Variants in SLCO4C1 observed in about 807,000 individuals in gnomAD.
SLCO4C1 encodes organic anion transporter M1.
In SLCO4C1, 58 loss-of-function variants were observed where a neutral mutation model predicts 72.1. The ratio of observed to expected loss-of-function variants is 0.80; its 90% CI spans 0.65 to 1.00. The LOEUF is 1.00. Among genes scored for constraint, SLCO4C1 ranks in the 50% least tolerant of loss-of-function variants. The probability of loss-of-function intolerance (pLI) is 0.00; values close to 1 mark genes in which losing one functional copy is unlikely to be tolerated. For synonymous variants in SLCO4C1, 297 were observed against 312.5 expected (o/e 0.95, Z 0.52); for missense variants, 898 against 857.9 (o/e 1.05, Z -0.58).
chr5:102,262,991 A>C (rs1748969201), intron 4 of SLCO4C1, among the ~76,000 whole-genome samples: 1 of 152,168 alleles, frequency 6.6e-6, no homozygotes, highest in Non-Finnish European at 1.5e-5. Context: ...ATATGACCTC[A>C]GTAAAGGCAC....
chr5:102,287,473 T>C (rs1272734596), intron 2 of SLCO4C1, among the ~76,000 whole-genome samples: 2 of 151,736 alleles, frequency 1.3e-5, no homozygotes, highest in East Asian at 3.9e-4. Context: ...TAACCATCTG[T>C]GAAATCAATT....
rs546791370 is a variant in SLCO4C1 at position 102,286,463 on chromosome 5, C to T, written c.619+4880G>A. Among the ~76,000 whole-genome samples, 3 of 152,104 alleles carry T rather than the reference C, an allele frequency of 2.0e-5. No individual in the cohort carries two copies. In the South Asian group the frequency reaches 6.2e-4, roughly 32 times the overall value. On this transcript the variant is annotated intron_variant, in intron 2 of 12. Coordinates refer to ENST00000310954, the MANE Select transcript of SLCO4C1 (RefSeq NM_180991.5). ...AAAAATGTTACGTGGTAAAGATTTACTTATCGCATTTTAAATATTTTAAAG... is the reference window on the plus strand; with the variant it reads ...AAAAATGTTACGTGGTAAAGATTTATTTATCGCATTTTAAATATTTTAAAG...
intron 4 of SLCO4C1, among the ~76,000 whole-genome samples, chr5:102,262,426 T>G (rs1454256690): frequency 6.6e-6 from 1 of 152,178 alleles, no homozygotes; most frequent in Non-Finnish European, 1.5e-5. Flanking sequence ...TGTGCTTCAA[T>G]TAGAGCATTT....
intron 2 of SLCO4C1, among the ~76,000 whole-genome samples, chr5:102,284,486 C>T (rs989459038): frequency 1.3e-5 from 2 of 152,142 alleles, no homozygotes; most frequent in Non-Finnish European, 2.9e-5. Flanking sequence ...TAGAGGAAGA[C>T]AAAGTAAGGG....
chr5:102,272,003 G>A (rs1013638924), intron 2 of SLCO4C1, among the ~76,000 whole-genome samples: 3 of 152,122 alleles, frequency 2.0e-5, no homozygotes, highest in Non-Finnish European at 4.4e-5. Context: ...AAGCCAATTA[G>A]ATCAGCTCTG....
chr5:102,260,903 C>T (rs1024526407), intron 5 of SLCO4C1, among the ~76,000 whole-genome samples: 3 of 152,064 alleles, frequency 2.0e-5, no homozygotes, highest in Admixed American at 6.6e-5. Flanking sequence ...GAAATTAACG[C>T]GTCTACCTAC....
At chr5:102,267,426 A>G (rs890807374) in intron 3 of SLCO4C1, among the ~76,000 whole-genome samples, 3 of 151,980 alleles carry the variant, frequency 2.0e-5, no homozygotes, top group Admixed American at 2.0e-4. Flanking sequence ...TGTTAGTAAG[A>G]CTAACAATCC....
At position 102,241,826 on chromosome 5, in the gene SLCO4C1, G is replaced by T. The variant is rs141350772; in HGVS notation, c.1812-1044C>A. Among the ~76,000 whole-genome samples, 78 of 151,366 alleles carry T rather than the reference G, an allele frequency of 5.2e-4. No individual in the cohort carries two copies. In the Middle Eastern group the frequency reaches 0.01, roughly 20 times the overall value. ...GTGGAACAAGATGATAGACTGAAAA[G>T]CTCCAAGTTAATAATTATCTACACA... On this transcript the variant is annotated intron_variant, in intron 10 of 12. Transcript: ENST00000310954.
intron 3 of SLCO4C1, among the ~76,000 whole-genome samples, chr5:102,265,276 C>A (rs765292499): frequency 6.6e-6 from 1 of 152,130 alleles, no homozygotes; most frequent in Non-Finnish European, 1.5e-5. Flanking sequence ...GTTGTCTCTA[C>A]AATCTGATGA....
chr5:102,280,873 G>A (rs989064786), intron 2 of SLCO4C1, among the ~76,000 whole-genome samples: 2 of 152,082 alleles, frequency 1.3e-5, no homozygotes, highest in African/African-American at 4.8e-5. Context: ...AATTTGAGAT[G>A]AGATTTGAGT....
rs1749641911 is a variant in SLCO4C1 at position 102,295,919 on chromosome 5, G to C, written c.344C>G (p.Ala115Gly). The change falls in exon 1 of 13, where the codon GCC becomes GGC. Residue 115 changes from alanine to glycine, a missense_variant. By Grantham distance (60) the Ala-to-Gly change is moderately conservative (BLOSUM62 0). Transcript: ENST00000310954. The part of the protein sequence containing the change: ...GGFLLHYCLL[A>G]VTQGIVVNGL... ...GCGCTGGACTTTACCTTGCGTGACG[G>C]CCAAGAGGCAGTAGTGAAGCAGAAA... 3.1e-6 allele frequency: 5 copies of C among 1,613,018 alleles called. No homozygotes were observed. The highest frequency in any genetic ancestry group is 2.2e-5 in the South Asian group (2 of 91,042).
intron 2 of SLCO4C1, among the ~76,000 whole-genome samples, chr5:102,289,071 T>C (rs551156146): frequency 7.9e-5 from 12 of 152,336 alleles, no homozygotes; most frequent in Admixed American, 5.9e-4. Flanking sequence ...ATTTGCCACA[T>C]TTAAGCTATT....
At chr5:102,249,256 G>A (rs1321297899) in intron 9 of SLCO4C1, among the ~76,000 whole-genome samples, 1 of 151,928 alleles carries the variant, frequency 6.6e-6, no homozygotes, top group African/African-American at 2.4e-5. Flanking sequence ...TATATACTGA[G>A]GTGCTGACTT....
intron 4 of SLCO4C1, among the ~76,000 whole-genome samples, chr5:102,263,478 A>T (rs920146386): frequency 1.3e-5 from 2 of 152,130 alleles, no homozygotes; most frequent in Admixed American, 1.3e-4. Flanking sequence ...AAAATATGTT[A>T]TTATAATAAA....
At chr5:102,276,205 A>C (rs1196490806) in intron 2 of SLCO4C1, among the ~76,000 whole-genome samples, 1 of 152,236 alleles carries the variant, frequency 6.6e-6, no homozygotes, top group African/African-American at 2.4e-5. Context: ...GGAAGGACAC[A>C]GAATATCCAA....
intron 3 of SLCO4C1, among the ~76,000 whole-genome samples, chr5:102,266,618 C>A (rs1468160998): frequency 6.6e-6 from 1 of 151,936 alleles, no homozygotes; most frequent in Non-Finnish European, 1.5e-5. Context: ...CCACTGCACT[C>A]CAGCCTGGGT....
intron 2 of SLCO4C1, among the ~76,000 whole-genome samples, chr5:102,289,105 A>G (rs1749508672): frequency 6.6e-6 from 1 of 152,210 alleles, no homozygotes; most frequent in Admixed American, 6.5e-5. Context: ...GTCAATTTAC[A>G]GTAAAAATCT....
intron 5 of SLCO4C1, 26 bp downstream of exon 5, chr5:102,261,886 T>G: frequency 6.3e-7 from 1 of 1,593,972 alleles, no homozygotes; most frequent in South Asian, 1.1e-5. Context: ...AATAAACCTC[T>G]CTGGTTTTAA....
At chr5:102,257,684 T>C (rs1437602012) in intron 7 of SLCO4C1, among the ~76,000 whole-genome samples, 2 of 151,016 alleles carry the variant, frequency 1.3e-5, no homozygotes, top group East Asian at 3.9e-4. Context: ...AATGGCGCAA[T>C]CTCGGCTCGC....
Sources: gnomAD v4.1 joint callset for allele counts (sites outside exome capture counted in the v4.1 genomes callset) on GRCh38, gnomAD v4.1.1 for gene constraint, MANE v1.5 for transcripts, NCBI Gene and HGNC (gene_info 2026-07-23, HGNC 2026-07-21) for gene names.